The following ERBB4 variants were observed in gnomAD, a reference collection of about 807,000 sequenced individuals.
ERBB4 encodes the protein receptor tyrosine-protein kinase erbB-4.
A neutral mutation model predicts 158.0 loss-of-function variants in ERBB4; 42 were observed. The observed-to-expected ratio is 0.27, with a 90% CI of 0.21 to 0.34. The LOEUF is 0.34. ERBB4 is among the 10% of genes least tolerant of loss of function. The pLI, the probability that ERBB4 is intolerant of heterozygous loss-of-function variation, is 1.00. For synonymous variants in ERBB4, 583 were observed against 558.7 expected, an observed-to-expected ratio of 1.04 and a Z score of -0.61; for missense variants, 1,333 against 1,624.1, an observed-to-expected ratio of 0.82 and a Z score of 3.08.
At chr2:211,701,843 T>C (rs1198644889) in intron 12 of ERBB4, 124 bp downstream of exon 12, 1 of 704,322 alleles carries the variant, frequency 1.4e-6, no homozygotes, top group Non-Finnish European at 2.5e-6. Flanking sequence ...ACTACCTTCC[T>C]TTTTAAGGGT....
chr2:212,035,253 G>T (rs377077706), intron 2 of ERBB4, among the ~76,000 whole-genome samples: 5 of 152,254 alleles, frequency 3.3e-5, no homozygotes, highest in African/African-American at 1.2e-4. Context: ...TTAGGTACAG[G>T]TTCTTATCTC....
chr2:211,725,816 G>A (rs1318522358), intron 5 of ERBB4, among the ~76,000 whole-genome samples: 2 of 142,270 alleles, frequency 1.4e-5, no homozygotes, highest in African/African-American at 2.5e-5. Flanking sequence ...TATTTTACAC[G>A]AGGAAAGAAA....
intron 8 of ERBB4, among the ~76,000 whole-genome samples, chr2:211,712,779 G>T (rs887217067): frequency 6.1e-5 from 1 of 16,476 alleles, no homozygotes; most frequent in Non-Finnish European, 1.2e-4. Flanking sequence ...GTGTGTGGGT[G>T]GGGGGGGATG....
chr2:211,867,124 A>G (rs2078230316), intron 3 of ERBB4, among the ~76,000 whole-genome samples: 1 of 151,042 alleles, frequency 6.6e-6, no homozygotes, highest in Admixed American at 6.6e-5. Context: ...AAAGTATGAA[A>G]TGTATAAAAT....
At chr2:211,633,647 A>T (rs570768672) in intron 16 of ERBB4, among the ~76,000 whole-genome samples, 2 of 148,122 alleles carry the variant, frequency 1.4e-5, no homozygotes, top group East Asian at 2.0e-4. Context: ...GTAATGTATT[A>T]ATTAATCACA....
chr2:212,459,972 G>A lies in ERBB4; in HGVS notation c.82+78477C>T, dbSNP rs551671272. Among the ~76,000 whole-genome samples, 14 of 152,256 alleles carry A rather than the reference G, an allele frequency of 9.2e-5. No individual in the cohort carries two copies. The South Asian group carries it at 2.7e-3, about 29-fold the overall frequency. On this transcript the variant is annotated intron_variant, in intron 1 of 27. Coordinates refer to ENST00000342788, the MANE Select transcript of ERBB4 (RefSeq NM_005235.3). ...CATCTTGAATTCACATGTGTTGTGGGAGGAACCTGATGGGAAGTAACTGAA... is the reference window on the plus strand; with the variant it reads ...CATCTTGAATTCACATGTGTTGTGGAAGGAACCTGATGGGAAGTAACTGAA...
At chr2:211,713,041 T>G (rs2106084855) in intron 8 of ERBB4, among the ~76,000 whole-genome samples, 1 of 152,296 alleles carries the variant, frequency 6.6e-6, no homozygotes, top group East Asian at 1.9e-4. Context: ...AATTATCTGA[T>G]ATATTTATTT....
At chr2:212,070,780 T>C (rs1253158300) in intron 2 of ERBB4, among the ~76,000 whole-genome samples, 2 of 151,958 alleles carry the variant, frequency 1.3e-5, no homozygotes, top group African/African-American at 4.8e-5. Flanking sequence ...GGGTGAAGCT[T>C]TGGTTTCTTT....
intron 2 of ERBB4, among the ~76,000 whole-genome samples, chr2:211,981,373 C>G (rs566409159): frequency 2.8e-4 from 42 of 152,294 alleles, no homozygotes; most frequent in African/African-American, 9.4e-4. Context: ...GTGAAGAGCA[C>G]TTTGGGAACT....
chr2:212,115,274 G>C (rs11903314), intron 2 of ERBB4, among the ~76,000 whole-genome samples: 1 of 151,112 alleles, frequency 6.6e-6, no homozygotes, highest in Admixed American at 6.6e-5. Context: ...TGTGACCAAC[G>C]AGAGACCTTT....
chr2:212,349,548 C>T (rs1207585698), intron 1 of ERBB4, among the ~76,000 whole-genome samples: 1 of 152,110 alleles, frequency 6.6e-6, no homozygotes, highest in Non-Finnish European at 1.5e-5. Flanking sequence ...GGGGTTAGCA[C>T]TTATTGATAT....
chr2:211,954,959 T>C (rs1197491494), intron 2 of ERBB4, among the ~76,000 whole-genome samples: 3 of 152,096 alleles, frequency 2.0e-5, no homozygotes, highest in African/African-American at 7.2e-5. Context: ...GCTTTGGAAT[T>C]CTGCGTTCAT....
At chr2:211,822,612 C>T (rs2077018636) in intron 3 of ERBB4, among the ~76,000 whole-genome samples, 1 of 152,002 alleles carries the variant, frequency 6.6e-6, no homozygotes, top group Non-Finnish European at 1.5e-5. Context: ...CAAGGATGTA[C>T]ACTGCTGTAT....
chr2:211,993,087 G>T (rs1213772008), intron 2 of ERBB4, among the ~76,000 whole-genome samples: 3 of 152,150 alleles, frequency 2.0e-5, no homozygotes, highest in Non-Finnish European at 4.4e-5. Flanking sequence ...TCTCTGTTAT[G>T]CACTGAGTTG....
At chr2:212,323,668 T>C (rs2087675388) in intron 1 of ERBB4, among the ~76,000 whole-genome samples, 1 of 150,546 alleles carries the variant, frequency 6.6e-6, no homozygotes, top group Non-Finnish European at 1.5e-5. Context: ...AAACACAAAG[T>C]AAACAAAGTA....
Position 212,228,628 on chromosome 2 carries a change from T to C in ERBB4, c.83-103725A>G, listed in dbSNP as rs576883597. Among the ~76,000 whole-genome samples the C allele has an allele frequency of 2.8e-3, 422 of 152,218 alleles. 1 individual carries two copies. Among genetic ancestry groups the C allele is most frequent in the Middle Eastern group, 6.8e-3 (2 of 294 alleles). The stretch of plus-strand genomic sequence containing the variant: ...TATTTTCATCCTGCAGAGCCTACCA[T>C]GTATGTGAGATGGCAGATAAAAAAA... On this transcript the variant is annotated intron_variant, in intron 1 of 27. Transcript: ENST00000342788.
At chr2:211,418,797 T>C (rs1022444009) in intron 25 of ERBB4, among the ~76,000 whole-genome samples, 15 of 152,138 alleles carry the variant, frequency 9.9e-5, no homozygotes, top group Admixed American at 2.0e-4. Flanking sequence ...GCCTCCTTTA[T>C]ACACCTTAAC....
At chr2:211,415,255 C>T (rs915989535) in intron 25 of ERBB4, among the ~76,000 whole-genome samples, 1 of 151,674 alleles carries the variant, frequency 6.6e-6, no homozygotes, top group East Asian at 1.9e-4. Context: ...TAGCCGGGAC[C>T]ACAGGCGCCC....
chr2:211,565,720 C>G (rs1161277468), intron 19 of ERBB4, among the ~76,000 whole-genome samples: 1 of 152,134 alleles, frequency 6.6e-6, no homozygotes, highest in Non-Finnish European at 1.5e-5. Flanking sequence ...TTCCCAGATC[C>G]AGCCAAGGGT....
Sources: gnomAD v4.1 joint callset for allele counts (sites outside exome capture counted in the v4.1 genomes callset) on GRCh38, gnomAD v4.1.1 for gene constraint, MANE v1.5 for transcripts, NCBI Gene and HGNC (gene_info 2026-07-23, HGNC 2026-07-21) for gene names.